The following PIGN variants were observed in gnomAD, a reference collection of about 807,000 sequenced individuals.
PIGN encodes GPI ethanolamine phosphate transferase 1.
PIGN carries 117 observed loss-of-function variants against 125.4 expected under a neutral mutation model. That is an observed-to-expected ratio of 0.93 (90% CI 0.80 to 1.09). The LOEUF is 1.09. PIGN is among the 50% of genes least tolerant of loss of function. The probability of loss-of-function intolerance (pLI) is 0.00; values close to 1 mark genes in which losing one functional copy is unlikely to be tolerated. For missense variants in PIGN, 1,075 were observed against 1,094.9 expected (o/e 0.98, Z 0.26); for synonymous variants, 392 against 377.8 (o/e 1.04, Z -0.44).
chr18:62,122,262 G>T (rs1333123864), intron 14 of PIGN, among the ~76,000 whole-genome samples: 13 of 152,154 alleles, frequency 8.5e-5, no homozygotes. Context: ...TCCCTGATTT[G>T]ATTATATGAA....
At chr18:62,118,326 G>A (rs923345241) in intron 14 of PIGN, among the ~76,000 whole-genome samples, 8 of 151,462 alleles carry the variant, frequency 5.3e-5, no homozygotes, top group Non-Finnish European at 1.2e-4. Flanking sequence ...ATAACTTCTG[G>A]TTATGCCAGA....
intron 1 of PIGN, among the ~76,000 whole-genome samples, chr18:62,182,592 G>A (rs748384473): frequency 1.3e-5 from 2 of 152,030 alleles, no homozygotes; most frequent in African/African-American, 2.4e-5. Flanking sequence ...CATCTCTTAT[G>A]CGAACTACTG....
downstream of PIGN, among the ~76,000 whole-genome samples, chr18:62,039,459 GA>G (rs2030306056): frequency 6.6e-6 from 1 of 151,164 alleles, no homozygotes; most frequent in Non-Finnish European, 1.5e-5. Context: ...CCCCATCCAG[GA>G]TGCCGCACCC....
At chr18:62,123,265 A>T in intron 14 of PIGN, among the ~76,000 whole-genome samples, 1 of 152,210 alleles carries the variant, frequency 6.6e-6, no homozygotes, top group Admixed American at 6.5e-5. Flanking sequence ...AAAAAATGAA[A>T]GACTATAATA....
At chr18:62,152,255 T>C (rs2036564038) in intron 7 of PIGN, among the ~76,000 whole-genome samples, 1 of 152,180 alleles carries the variant, frequency 6.6e-6, no homozygotes, top group Non-Finnish European at 1.5e-5. Flanking sequence ...ACCCTTCAGA[T>C]AGTAGGCTTC....
chr18:62,155,923 A>G (rs755265882), intron 6 of PIGN, among the ~76,000 whole-genome samples: 22 of 152,230 alleles, frequency 1.4e-4, no homozygotes, highest in South Asian at 4.1e-4. Context: ...CGCCCAGTAT[A>G]ATAATGTTCT....
At chr18:62,182,241 T>C (rs1568266479) in intron 1 of PIGN, among the ~76,000 whole-genome samples, 1 of 152,228 alleles carries the variant, frequency 6.6e-6, no homozygotes, top group Non-Finnish European at 1.5e-5. Flanking sequence ...TATTACCTAA[T>C]ATGCAAAAGC....
intron 14 of PIGN, among the ~76,000 whole-genome samples, chr18:62,133,736 T>G (rs1200946014): frequency 1.3e-5 from 2 of 152,210 alleles, no homozygotes; most frequent in Admixed American, 6.5e-5. Flanking sequence ...CAATTACATA[T>G]TCTACTGAAT....
intron 16 of PIGN, chr18:62,112,505 C>A (rs1466186322): frequency 1.3e-5 from 2 of 152,062 alleles, no homozygotes; most frequent in African/African-American, 2.4e-5. Flanking sequence ...AAACCATATA[C>A]ATACTGTTAT....
At chr18:62,105,306 T>C (rs1396016042) in intron 20 of PIGN, 1 of 293,920 alleles carries the variant, frequency 3.4e-6, no homozygotes, top group African/African-American at 2.2e-5. Flanking sequence ...ATGGGCGGGA[T>C]TTTAAGTTAT....
At chr18:62,049,704 T>C (rs1436470389) in intron 30 of PIGN, among the ~76,000 whole-genome samples, 2 of 150,992 alleles carry the variant, frequency 1.3e-5, no homozygotes, top group Non-Finnish European at 3.0e-5. Context: ...TTTAGTTTAA[T>C]TAGATCCCAT....
At chr18:62,069,101 G>T (rs1282605093) in intron 30 of PIGN, among the ~76,000 whole-genome samples, 1 of 152,164 alleles carries the variant, frequency 6.6e-6, no homozygotes, top group Non-Finnish European at 1.5e-5. Context: ...ATAAATATTT[G>T]CTGGATTGAA....
intron 4 of PIGN, among the ~76,000 whole-genome samples, chr18:62,160,157 G>A (rs896992178): frequency 3.9e-5 from 6 of 152,064 alleles, no homozygotes; most frequent in Non-Finnish European, 4.4e-5. Flanking sequence ...ATGATAGGAG[G>A]TAATGATGAC....
intron 30 of PIGN, among the ~76,000 whole-genome samples, chr18:62,067,921 G>A (rs970579427): frequency 6.6e-6 from 1 of 152,168 alleles, no homozygotes; most frequent in African/African-American, 2.4e-5. Context: ...CTCACGAATA[G>A]GAAGGCCACC....
At chr18:62,072,507 T>C (rs921045029) in intron 30 of PIGN, 166 bp downstream of exon 30, 10 of 556,142 alleles carry the variant, frequency 1.8e-5, no homozygotes, top group African/African-American at 5.7e-5. Context: ...AGGTTTATAG[T>C]CTAGGAGCAA....
chr18:62,158,769 A>G (rs946362148), intron 4 of PIGN, among the ~76,000 whole-genome samples: 3 of 152,240 alleles, frequency 2.0e-5, no homozygotes, highest in African/African-American at 7.2e-5. Context: ...AAATACATTC[A>G]TAATAAGTAA....
intron 1 of PIGN, among the ~76,000 whole-genome samples, chr18:62,166,013 C>T (rs1360019617): frequency 1.3e-5 from 2 of 152,036 alleles, no homozygotes; most frequent in Non-Finnish European, 2.9e-5. Context: ...AAGGGTTTTC[C>T]TAAGCTATTA....
At chr18:62,025,363 T>C (rs2030104163) in intron 23 of PIGN, among the ~76,000 whole-genome samples, 1 of 152,204 alleles carries the variant, frequency 6.6e-6, no homozygotes. Flanking sequence ...CCTCTTGTTT[T>C]TTGGTCTTTT....
At chr18:62,031,154 A>G (rs988458739) in intron 23 of PIGN, among the ~76,000 whole-genome samples, 1 of 152,190 alleles carries the variant, frequency 6.6e-6, no homozygotes, top group African/African-American at 2.4e-5. Context: ...CATGGTAATG[A>G]ATAAGTCTCA....
Sources: allele counts gnomAD v4.1 joint callset (sites outside exome capture counted in the v4.1 genomes callset), GRCh38; gene constraint gnomAD v4.1.1; transcripts MANE v1.5; gene names NCBI Gene and HGNC (gene_info 2026-07-23, HGNC 2026-07-21).